PCDHGB4: variants seen among roughly 807,000 people sequenced by gnomAD.
PCDHGB4 encodes the protein protocadherin gamma-B4.
PCDHGB4 carries 38 observed loss-of-function variants against 60.5 expected under a neutral mutation model. That is an observed-to-expected ratio of 0.63 (90% CI 0.48 to 0.82). The LOEUF is 0.82. PCDHGB4 is among the 40% of genes least tolerant of loss of function. The pLI is 0.00. For synonymous variants in PCDHGB4, 456 were observed against 509.7 expected, an observed-to-expected ratio of 0.89 and a Z score of 1.42; for missense variants, 1,109 against 1,209.6, an observed-to-expected ratio of 0.92 and a Z score of 1.23.
At chr5:141,409,707 C>T in intron 1 of PCDHGB4, 1 of 1,613,248 alleles carries the variant, frequency 6.2e-7, no homozygotes, top group Non-Finnish European at 8.5e-7. Flanking sequence ...CTGGCGGTGT[C>T]GTCATACGTG....
rs141034739 is a variant in PCDHGB4 at position 141,491,100 on chromosome 5, C to T, written c.2398-3707C>T. The T allele has an allele frequency of 2.7e-4, 430 of 1,614,138 alleles. No homozygotes were observed. The African/African-American group carries it at 4.7e-3, about 18-fold the overall frequency. ...AGTCCACAGCCCCAGGACTGTTCCT[C>T]GTGTCTACACACACTGGTGAGGTGC... On this transcript the variant is annotated intron_variant, in intron 1 of 3. Transcript: ENST00000519479. The surrounding 1 kb of genome is among the most constrained non-coding windows in gnomAD (Gnocchi z 6.9).
At chr5:141,404,978 G>T (rs373968137) in intron 1 of PCDHGB4, 2 of 1,613,976 alleles carry the variant, frequency 1.2e-6, no homozygotes, top group Non-Finnish European at 8.5e-7. Flanking sequence ...GGCTGACCTG[G>T]GCAGTCTTCA....
intron 1 of PCDHGB4, chr5:141,413,721 C>A (rs779673406): frequency 6.2e-7 from 1 of 1,613,592 alleles, no homozygotes. Context: ...ATAAGCACTT[C>A]TCCCTAAGAG....
intron 1 of PCDHGB4, chr5:141,421,778 G>C (rs756566609): frequency 6.2e-7 from 1 of 1,613,844 alleles, no homozygotes; most frequent in Non-Finnish European, 8.5e-7. Context: ...TTGCAACTGC[G>C]GGGCAGAACG....
chr5:141,450,468 A>G (rs1187171122), intron 1 of PCDHGB4, among the ~76,000 whole-genome samples: 2 of 151,696 alleles, frequency 1.3e-5, no homozygotes, highest in African/African-American at 4.9e-5. Flanking sequence ...TTTTATATAT[A>G]GAGTTTGTTT....
At chr5:141,410,683 A>G (rs775289402) in intron 1 of PCDHGB4, 2 of 1,528,162 alleles carry the variant, frequency 1.3e-6, no homozygotes. Flanking sequence ...TATTTTAGGC[A>G]TACTACTTTA....
chr5:141,399,431 T>C (rs757950073), intron 1 of PCDHGB4: 1 of 1,613,970 alleles, frequency 6.2e-7, no homozygotes, highest in Non-Finnish European at 8.5e-7. Flanking sequence ...ATAAGCGTCA[T>C]CCTACATATC....
intron 1 of PCDHGB4, among the ~76,000 whole-genome samples, chr5:141,463,570 T>A (rs557041487): frequency 2.7e-5 from 4 of 146,586 alleles, no homozygotes; most frequent in Middle Eastern, 3.5e-3. Context: ...TGCCTCAGCC[T>A]CCCGAGTAGC....
Position 141,493,554 on chromosome 5 carries a change from G to A in PCDHGB4, c.2398-1253G>A, listed in dbSNP as rs2099748882. The stretch of plus-strand genomic sequence containing the variant: ...GGCCAGTTATCCTTTTGGAGATTGA[G>A]TTCCCCCAGCTCCGTTTCCTCCTAT... On this transcript the variant is annotated intron_variant, in intron 1 of 3. Coordinates refer to ENST00000519479, the MANE Select transcript of PCDHGB4 (RefSeq NM_003736.4). The surrounding 1 kb of genome is among the most constrained non-coding windows in gnomAD (Gnocchi z 4.3). 6.6e-6 allele frequency among the ~76,000 whole-genome samples: 1 copy of A among 152,166 alleles called. No homozygotes were observed. Among genetic ancestry groups the A allele is most frequent in the Admixed American group, 6.5e-5 (1 of 15,282 alleles).
chr5:141,421,491 A>G (rs934861223), intron 1 of PCDHGB4: 8 of 1,614,102 alleles, frequency 5.0e-6, no homozygotes, highest in Non-Finnish European at 6.8e-6. Context: ...TGATCACGGC[A>G]GGCAGGATAG....
chr5:141,413,725 C>A, intron 1 of PCDHGB4: 1 of 1,613,546 alleles, frequency 6.2e-7, no homozygotes, highest in Non-Finnish European at 8.5e-7. Flanking sequence ...GCACTTCTCC[C>A]TAAGAGTTCA....
chr5:141,400,254 G>C, intron 1 of PCDHGB4: 1 of 1,613,980 alleles, frequency 6.2e-7, no homozygotes. Flanking sequence ...CCGTTGCCTT[G>C]CGCCTGCGAC....
Position 141,491,094 on chromosome 5 carries a change from G to C in PCDHGB4, c.2398-3713G>C, listed in dbSNP as rs1240705650. The C allele has an allele frequency of 1.9e-6, 3 of 1,614,202 alleles. No homozygotes were observed. Among genetic ancestry groups the C allele is most frequent in the Non-Finnish European group, 2.5e-6 (3 of 1,180,030 alleles). On this transcript the variant is annotated intron_variant, in intron 1 of 3. Coordinates refer to ENST00000519479, the MANE Select transcript of PCDHGB4 (RefSeq NM_003736.4). The surrounding 1 kb of genome is among the most constrained non-coding windows in gnomAD (Gnocchi z 6.9). The stretch of plus-strand genomic sequence containing the variant: ...TGCCACAGTCCACAGCCCCAGGACT[G>C]TTCCTCGTGTCTACACACACTGGTG...
At chr5:141,415,853 G>C (rs2154546169) in intron 1 of PCDHGB4, 1 of 1,186,350 alleles carries the variant, frequency 8.4e-7, no homozygotes, top group Admixed American at 4.0e-5. Context: ...GCAGAACCTT[G>C]TAGTTTATAG....
At position 141,512,045 on chromosome 5, in the gene PCDHGB4, C is replaced by T. The variant is rs568357347; in HGVS notation, c.*872C>T. On this transcript the variant is annotated 3_prime_UTR_variant, in exon 4 of 4. Transcript: ENST00000519479. ...GGCCTTGGAGGAGGCTCTGTATGTC[C>T]TCAGGGGACTGACAACATCCTCCAG... The T allele has an allele frequency of 1.5e-3, 224 of 152,846 alleles. 2 individuals are homozygous for T. The highest frequency in any genetic ancestry group is 4.6e-4 in the Non-Finnish European group (31 of 68,130). The allele number at this position is 152,846 out of a possible 1,614,324, so 9.5% of individuals were successfully genotyped here. A position where few individuals can be genotyped will look rare whatever the true frequency, so the allele number is the denominator to read the frequency against.
At chr5:141,413,592 A>G in intron 1 of PCDHGB4, 1 of 1,613,916 alleles carries the variant, frequency 6.2e-7, no homozygotes, top group Non-Finnish European at 8.5e-7. Context: ...AATTCCAAGC[A>G]GAAAATCTAG....
chr5:141,458,922 G>A (rs747489537), intron 1 of PCDHGB4, among the ~76,000 whole-genome samples: 2 of 151,918 alleles, frequency 1.3e-5, no homozygotes, highest in East Asian at 1.9e-4. Flanking sequence ...TTGTGGAGAC[G>A]GGGTCTCACT....
At chr5:141,404,759 T>G (rs1466446291) in intron 1 of PCDHGB4, 1 of 1,613,632 alleles carries the variant, frequency 6.2e-7, no homozygotes, top group Admixed American at 1.7e-5. Flanking sequence ...CCAGAATGCT[T>G]GGCTCTCCTA....
chr5:141,481,142 G>T (rs2099532501), intron 1 of PCDHGB4, among the ~76,000 whole-genome samples: 1 of 152,212 alleles, frequency 6.6e-6, no homozygotes, highest in Non-Finnish European at 1.5e-5. Context: ...GAAGTAAAGT[G>T]TTATTCTGGT....
Sources: allele counts gnomAD v4.1 joint callset (sites outside exome capture counted in the v4.1 genomes callset), GRCh38; gene constraint gnomAD v4.1.1; non-coding constraint Gnocchi (gnomAD v3.1); transcripts MANE v1.5; gene names NCBI Gene and HGNC (gene_info 2026-07-23, HGNC 2026-07-21).